Variants in ATP11A observed in about 807,000 individuals in gnomAD.
The protein encoded by ATP11A is phospholipid-transporting ATPase IH.
ATP11A carries 81 observed loss-of-function variants against 154.4 expected under a neutral mutation model. The observed-to-expected ratio is 0.52, with a 90% CI of 0.44 to 0.63. The LOEUF is 0.63. ATP11A is among the 30% of genes least tolerant of loss of function. The pLI, the probability that ATP11A is intolerant of heterozygous loss-of-function variation, is 0.00. For missense variants in ATP11A, 1,316 were observed against 1,474.3 expected (o/e 0.89, Z 1.76); for synonymous variants, 623 against 585.9 (o/e 1.06, Z -0.91).
At chr13:112,705,535 C>T (rs1055536779) in intron 1 of ATP11A, among the ~76,000 whole-genome samples, 7 of 152,250 alleles carry the variant, frequency 4.6e-5, no homozygotes, top group Admixed American at 2.6e-4. Context: ...TGTGAGGAGG[C>T]GCCAGGGACA....
chr13:112,827,230 G>A (rs899568461), intron 12 of ATP11A, among the ~76,000 whole-genome samples: 8 of 152,322 alleles, frequency 5.3e-5, no homozygotes, highest in South Asian at 2.1e-4. Context: ...GTCTCATGGC[G>A]AGCTGGGTAT....
At chr13:112,719,412 T>C (rs1888894089) in intron 1 of ATP11A, among the ~76,000 whole-genome samples, 1 of 152,266 alleles carries the variant, frequency 6.6e-6, no homozygotes, top group Non-Finnish European at 1.5e-5. Context: ...ATTAATTAAC[T>C]TGTAGGCTGT....
intron 25 of ATP11A, among the ~76,000 whole-genome samples, chr13:112,865,841 A>G (rs1046590750): frequency 2.6e-5 from 4 of 152,226 alleles, no homozygotes; most frequent in Non-Finnish European, 5.9e-5. Flanking sequence ...GTGAGCCACC[A>G]TGCACGGCCA....
intron 1 of ATP11A, among the ~76,000 whole-genome samples, chr13:112,737,194 G>T (rs975769680): frequency 1.3e-5 from 2 of 152,206 alleles, no homozygotes; most frequent in African/African-American, 4.8e-5. Context: ...GTTCAAAGCT[G>T]GGCACTCCTG....
chr13:112,767,565 C>G (rs2077125549), intron 1 of ATP11A, among the ~76,000 whole-genome samples: 2 of 151,930 alleles, frequency 1.3e-5, no homozygotes, highest in Non-Finnish European at 2.9e-5. Context: ...CTGTTGGGAG[C>G]CTGGCTATTT....
intron 7 of ATP11A, 27 bp from the exon 8 acceptor site, chr13:112,819,873 T>A: frequency 6.2e-7 from 1 of 1,613,956 alleles, no homozygotes; most frequent in Non-Finnish European, 8.5e-7. Context: ...GCGCGTCCGG[T>A]CAGTAACGTG....
chr13:112,881,633 A>T, intron 29 of ATP11A: 2 of 1,191,826 alleles, frequency 1.7e-6, no homozygotes, highest in Non-Finnish European at 2.1e-6. Context: ...TCGCCTCCAT[A>T]TGGCTTCTCT....
chr13:112,691,270 C>T (rs1011930771), intron 1 of ATP11A, among the ~76,000 whole-genome samples: 2 of 151,822 alleles, frequency 1.3e-5, no homozygotes, highest in Non-Finnish European at 2.9e-5. Context: ...TGAGACCAGC[C>T]GGACCGACAT....
chr13:112,837,074 G>A (rs2079257312), intron 16 of ATP11A, among the ~76,000 whole-genome samples: 1 of 152,244 alleles, frequency 6.6e-6, no homozygotes, highest in Admixed American at 6.5e-5. Flanking sequence ...CCACAGTGCT[G>A]AGGCTTGAAC....
At chr13:112,844,914 C>T (rs1167354808) in intron 17 of ATP11A, among the ~76,000 whole-genome samples, 6 of 140,646 alleles carry the variant, frequency 4.3e-5, no homozygotes, top group African/African-American at 1.9e-4. Flanking sequence ...AGTCCAGTTA[C>T]TGGGCACTAG....
Position 112,697,451 on chromosome 13 carries a change from C to T in ATP11A, c.39+6996C>T, listed in dbSNP as rs151102084. On this transcript the variant is annotated intron_variant, in intron 1 of 29. Coordinates refer to ENST00000375645, the MANE Select transcript of ATP11A (RefSeq NM_015205.3). The surrounding 1 kb of genome is among the most constrained non-coding windows in gnomAD (Gnocchi z 4.0). ...TTAATCAGAGTGATGAAGAGGTTGC[C>T]ATTGGCAATTCGGAAGGGAATTCAG... Among the ~76,000 whole-genome samples, 2 of 152,238 alleles carry T rather than the reference C, an allele frequency of 1.3e-5. No individual in the cohort carries two copies. Among genetic ancestry groups the T allele is most frequent in the African/African-American group, 4.8e-5 (2 of 41,530 alleles).
chr13:112,742,933 C>T (rs974586571), intron 1 of ATP11A, among the ~76,000 whole-genome samples: 2 of 152,176 alleles, frequency 1.3e-5, no homozygotes, highest in South Asian at 2.1e-4. Context: ...AGGGGAGAGG[C>T]ACTCACTCAA....
intron 18 of ATP11A, chr13:112,851,572 A>C (rs1259136248): frequency 5.7e-6 from 1 of 176,568 alleles, no homozygotes; most frequent in Non-Finnish European, 1.2e-5. Flanking sequence ...CCCAGGCTGG[A>C]GTGCAGTGGC....
intron 1 of ATP11A, among the ~76,000 whole-genome samples, chr13:112,734,027 T>C (rs1480862433): frequency 1.3e-5 from 2 of 152,240 alleles, no homozygotes; most frequent in African/African-American, 4.8e-5. Flanking sequence ...TACACCAGGC[T>C]TTTGTGTTAC....
rs9670279 is a variant in ATP11A at position 112,746,577 on chromosome 13, G to A, written c.40-38558G>A. The A allele has an allele frequency of 0.041, 6,295 of 152,230 alleles. 452 individuals carry two copies. The highest frequency in any genetic ancestry group is 0.14 in the African/African-American group (5,970 of 41,418). 9.4% of individuals were successfully genotyped at this position (152,230 alleles called of 1,614,324 possible). A position where few individuals can be genotyped will look rare whatever the true frequency, so the allele number is the denominator to read the frequency against. On this transcript the variant is annotated intron_variant, in intron 1 of 29. Coordinates refer to ENST00000375645, the MANE Select transcript of ATP11A (RefSeq NM_015205.3). The surrounding 1 kb of genome is among the most constrained non-coding windows in gnomAD (Gnocchi z 4.1). ...TGTTGTTTTTTAGAGACAGCACCTC[G>A]CTCTCTTACCCAGGCTGGAGTGCAG...
At chr13:112,873,449 C>A (rs918719282) in intron 26 of ATP11A, 124 bp from the exon 27 acceptor site, 4 of 653,552 alleles carry the variant, frequency 6.1e-6, no homozygotes, top group Non-Finnish European at 1.0e-5. Flanking sequence ...GGCATTGAGT[C>A]GTCATTGCTG....
chr13:112,850,939 A>G (rs1359049200), intron 17 of ATP11A, 98 bp from the exon 18 acceptor site: 2 of 1,080,994 alleles, frequency 1.9e-6, no homozygotes, highest in African/African-American at 3.2e-5. Context: ...TGGGTTAGTT[A>G]GTCTAATGAG....
intron 1 of ATP11A, among the ~76,000 whole-genome samples, chr13:112,704,091 T>C (rs1188061819): frequency 6.6e-6 from 1 of 152,240 alleles, no homozygotes; most frequent in Non-Finnish European, 1.5e-5. Context: ...CTGGTCCTGC[T>C]GTCCCAGGCG....
At chr13:112,761,147 T>A (rs1344521367) in intron 1 of ATP11A, among the ~76,000 whole-genome samples, 1 of 152,128 alleles carries the variant, frequency 6.6e-6, no homozygotes, top group Non-Finnish European at 1.5e-5. Flanking sequence ...GGTTATCAGA[T>A]CCGTGGTCCA....
Sources: allele counts gnomAD v4.1 joint callset (sites outside exome capture counted in the v4.1 genomes callset), GRCh38; gene constraint gnomAD v4.1.1; non-coding constraint Gnocchi (gnomAD v3.1); transcripts MANE v1.5; gene names NCBI Gene and HGNC (gene_info 2026-07-23, HGNC 2026-07-21).